POLR1A: variants seen among roughly 807,000 people sequenced by gnomAD.
POLR1A encodes the protein DNA-directed RNA polymerase I subunit RPA1.
Under a neutral mutation model 205.3 loss-of-function variants are expected in POLR1A, and 84 were observed. The ratio of observed to expected loss-of-function variants is 0.41; its 90% CI spans 0.34 to 0.49. The LOEUF is 0.49. Ranked by LOEUF, POLR1A falls within the 20% of genes least tolerant of loss-of-function variation. The pLI, the probability that POLR1A is intolerant of heterozygous loss-of-function variation, is 0.22. For missense variants in POLR1A, 1,645 were observed against 2,204.5 expected (o/e 0.75, Z 5.08); for synonymous variants, 799 against 863.7 (o/e 0.93, Z 1.31).
chr2:86,101,818 A>G, intron 1 of POLR1A, among the ~76,000 whole-genome samples: 1 of 152,088 alleles, frequency 6.6e-6, no homozygotes, highest in Non-Finnish European at 1.5e-5. Flanking sequence ...CTCTGCTACC[A>G]TCATTTTACT....
chr2:86,028,486 C>T lies in POLR1A; in HGVS notation c.4897+108G>A. 2.6e-6 allele frequency: 2 copies of T among 782,952 alleles called. No homozygotes were observed. The highest frequency in any genetic ancestry group is 4.6e-6 in the Non-Finnish European group (2 of 433,980). 48.5% of individuals were successfully genotyped at this position (782,952 alleles called of 1,614,324 possible). A position where few individuals can be genotyped will look rare whatever the true frequency, so the allele number is the denominator to read the frequency against. On this transcript the variant is annotated intron_variant, in intron 32 of 33. Transcript: ENST00000263857. The surrounding 1 kb of genome is among the most constrained non-coding windows in gnomAD (Gnocchi z 4.5). Reference sequence around the variant, plus strand: ...GCATGCTGCAGTGCCTGCCTTAGTGCTGGACTGACTCGGTGCTGGACCGAC... The same window carrying T: ...GCATGCTGCAGTGCCTGCCTTAGTGTTGGACTGACTCGGTGCTGGACCGAC...
Position 86,044,190 on chromosome 2 carries a change from C to T in POLR1A, c.3084G>A (p.Lys1028=), listed in dbSNP as rs371172621. ...ACTGCTTGGGCTGCAGGAACTGTGT[C>T]TTGGGGATGTCCAGGCCATCCTCCC... The part of the protein sequence containing the change: ...LYGEDGLDIP[K]TQFLQPKQFP... The change falls in exon 22 of 34, where the codon AAG becomes AAA. Residue 1028 remains lysine, a synonymous_variant. Transcript: ENST00000263857. 36 of 1,614,076 alleles carry T rather than the reference C, an allele frequency of 2.2e-5. No homozygotes were observed. The Middle Eastern group carries it at 6.6e-4, about 29-fold the overall frequency.
chr2:86,073,879 T>C (rs1573823595), intron 12 of POLR1A, among the ~76,000 whole-genome samples: 1 of 152,230 alleles, frequency 6.6e-6, no homozygotes, highest in East Asian at 1.9e-4. Context: ...GTAAGTGAAG[T>C]GAAACACACC....
intron 1 of POLR1A, among the ~76,000 whole-genome samples, chr2:86,104,937 A>G (rs1319863054): frequency 6.6e-6 from 1 of 152,244 alleles, no homozygotes; most frequent in African/African-American, 2.4e-5. Flanking sequence ...TCTAGGGACA[A>G]TATTTACCAT....
At position 86,020,989 on chromosome 2, in the gene POLR1A, C is replaced by A. The variant is rs1475921559; in HGVS notation, c.*6434G>T. On this transcript the variant is annotated 3_prime_UTR_variant, in exon 34 of 34. Coordinates refer to ENST00000263857, the MANE Select transcript of POLR1A (RefSeq NM_015425.6). ...TTAGGGTCCCACTGTAAGTTGAGGGCTTGAGATTCCAAGAAAAGTCTTATT... is the reference window on the plus strand; with the variant it reads ...TTAGGGTCCCACTGTAAGTTGAGGGATTGAGATTCCAAGAAAAGTCTTATT... The A allele has an allele frequency of 3.3e-5, 5 of 152,224 alleles. No homozygotes were observed. Among genetic ancestry groups the A allele is most frequent in the Admixed American group, 2.0e-4 (3 of 15,276 alleles). The allele number at this position is 152,224 out of a possible 1,614,324, so 9.4% of individuals were successfully genotyped here.
chr2:86,033,899 T>C lies in POLR1A; in HGVS notation c.4035-112A>G, dbSNP rs558534559. 4.5e-6 allele frequency: 6 copies of C among 1,334,260 alleles called. No homozygotes were observed. The Admixed American group carries it at 8.0e-5, about 18-fold the overall frequency. 82.7% of individuals were successfully genotyped at this position (1,334,260 alleles called of 1,614,324 possible). On this transcript the variant is annotated intron_variant, in intron 27 of 33. Transcript: ENST00000263857. Reference sequence around the variant, plus strand: ...TCCCACAGGGGATCAGTGCACGAGATGGAGGCCCAGCCTCTCCTAGCCACT... The same window carrying C: ...TCCCACAGGGGATCAGTGCACGAGACGGAGGCCCAGCCTCTCCTAGCCACT...
chr2:86,043,366 A>G (rs1037830006), intron 22 of POLR1A, among the ~76,000 whole-genome samples, 171 bp from the exon 23 acceptor site: 1 of 152,186 alleles, frequency 6.6e-6, no homozygotes, highest in Admixed American at 6.5e-5. Context: ...ATCCATTGTT[A>G]ATCAGGGCCC....
chr2:86,062,558 A>T (rs578197340), intron 14 of POLR1A, among the ~76,000 whole-genome samples: 3 of 152,256 alleles, frequency 2.0e-5, no homozygotes, highest in Admixed American at 6.5e-5. Context: ...GATGCTACTT[A>T]AGCAGAACTT....
At chr2:86,081,500 G>C (rs1169774611) in intron 8 of POLR1A, 101 bp downstream of exon 8, 1 of 692,552 alleles carries the variant, frequency 1.4e-6, no homozygotes, top group African/African-American at 1.8e-5. Flanking sequence ...CTGCAGCTTT[G>C]TCTCTCAGTG....
At chr2:86,061,940 C>A (rs967132138) in intron 14 of POLR1A, among the ~76,000 whole-genome samples, 4 of 152,162 alleles carry the variant, frequency 2.6e-5, no homozygotes, top group African/African-American at 9.7e-5. Context: ...TGAATGTGCA[C>A]TGAGTTATAA....
chr2:86,049,771 A>G (rs10208184), intron 16 of POLR1A, among the ~76,000 whole-genome samples: 103,914 of 152,078 alleles, frequency 0.68, 36,613 homozygotes, highest in African/African-American at 0.86. Flanking sequence ...GACCACCACC[A>G]CAGGTCCCTC....
At chr2:86,081,060 T>C in intron 8 of POLR1A, 82 bp from the exon 9 acceptor site, 1 of 1,278,886 alleles carries the variant, frequency 7.8e-7, no homozygotes, top group Non-Finnish European at 1.1e-6. Flanking sequence ...ATGCCTACTG[T>C]AGGGAGCACA....
intron 14 of POLR1A, among the ~76,000 whole-genome samples, chr2:86,064,903 G>A (rs532273234): frequency 1.4e-3 from 206 of 151,930 alleles, no homozygotes; most frequent in African/African-American, 4.5e-3. Flanking sequence ...TCAGCCTCCC[G>A]GTAGCTGAGA....
chr2:86,047,567 G>C lies in POLR1A; in HGVS notation c.2635-304C>G, dbSNP rs146790824. 2.8e-3 allele frequency among the ~76,000 whole-genome samples: 422 copies of C among 152,328 alleles called. 4 individuals are homozygous for C. Among genetic ancestry groups the C allele is most frequent in the African/African-American group, 9.4e-3 (390 of 41,580 alleles). On this transcript the variant is annotated intron_variant, in intron 18 of 33. Coordinates refer to ENST00000263857, the MANE Select transcript of POLR1A (RefSeq NM_015425.6). ...AAGGAAAAGGAGAAGTAGAGGGGCT[G>C]GCAGATCCAGTTCGTGATTCTAAAA...
At chr2:86,054,370 G>T in intron 14 of POLR1A, 81 bp from the exon 15 acceptor site, 1 of 1,463,380 alleles carries the variant, frequency 6.8e-7, no homozygotes, top group South Asian at 1.2e-5. Context: ...AAAAAGAAGA[G>T]TTAAGAACTT....
intron 25 of POLR1A, 57 bp downstream of exon 25, chr2:86,040,335 C>T (rs2104388005): frequency 1.5e-6 from 2 of 1,372,600 alleles, no homozygotes; most frequent in South Asian, 1.6e-5. Context: ...ATTAAATGGC[C>T]CCTTCTCCAG....
At chr2:86,061,919 T>C (rs1027305800) in intron 14 of POLR1A, among the ~76,000 whole-genome samples, 9 of 152,214 alleles carry the variant, frequency 5.9e-5, no homozygotes, top group Non-Finnish European at 7.3e-5. Context: ...TGCAAAGATG[T>C]ATTCACTTTG....
intron 11 of POLR1A, among the ~76,000 whole-genome samples, chr2:86,077,433 T>A (rs1000667715): frequency 6.6e-6 from 1 of 152,216 alleles, no homozygotes; most frequent in Non-Finnish European, 1.5e-5. Context: ...ACATTTCTGA[T>A]GCCTGGAAAG....
chr2:86,033,790 A>G lies in POLR1A; in HGVS notation c.4035-3T>C. The G allele has an allele frequency of 6.2e-7, 1 of 1,613,946 alleles. No homozygotes were observed. Among genetic ancestry groups the G allele is most frequent in the Non-Finnish European group, 8.5e-7 (1 of 1,180,004 alleles). On this transcript the variant is annotated splice_polypyrimidine_tract_variant and splice_region_variant and intron_variant, in intron 27 of 33. Coordinates refer to ENST00000263857, the MANE Select transcript of POLR1A (RefSeq NM_015425.6). ...ATTCCATCAGAAGTTTAAAGAATCT[A>G]AAACAAGAAGAAAGCCAAAAAGCCC...
Sources: gnomAD v4.1 joint callset for allele counts (sites outside exome capture counted in the v4.1 genomes callset) on GRCh38, gnomAD v4.1.1 for gene constraint, Gnocchi (gnomAD v3.1) non-coding constraint, MANE v1.5 for transcripts, NCBI Gene and HGNC (gene_info 2026-07-23, HGNC 2026-07-21) for gene names.